Variants in DTNB observed in about 807,000 individuals in gnomAD.
DTNB encodes the protein dystrobrevin beta.
A neutral mutation model predicts 90.7 loss-of-function variants in DTNB; 63 were observed. That is an observed-to-expected ratio of 0.69 (90% CI 0.57 to 0.86). The LOEUF (loss-of-function observed/expected upper bound fraction) is 0.86, where lower values mean the gene tolerates loss of function less well. Among genes scored for constraint, DTNB ranks in the 40% least tolerant of loss-of-function variants. DTNB has a pLI of 0.00. For missense variants in DTNB, 744 were observed against 807.1 expected, an observed-to-expected ratio of 0.92 and a Z score of 0.95; for synonymous variants, 277 against 286.7, an observed-to-expected ratio of 0.97 and a Z score of 0.34.
intron 2 of DTNB, among the ~76,000 whole-genome samples, chr2:25,649,110 T>G (rs2080230455): frequency 6.8e-6 from 1 of 146,936 alleles, no homozygotes; most frequent in Non-Finnish European, 1.5e-5. Context: ...GTTCACGCCA[T>G]TCTCCTGCCT....
At chr2:25,598,891 G>A (rs1343642038) in intron 5 of DTNB, 1 of 151,962 alleles carries the variant, frequency 6.6e-6, no homozygotes, top group Non-Finnish European at 1.5e-5. Context: ...AGACTGAATA[G>A]GAAGAGTATT....
chr2:25,436,709 T>C (rs867725643), intron 12 of DTNB, among the ~76,000 whole-genome samples: 39 of 152,292 alleles, frequency 2.6e-4, no homozygotes, highest in African/African-American at 9.1e-4. Context: ...GTAAATTTTC[T>C]ATATTGTAGT....
At chr2:25,444,843 G>A (rs527524246) in intron 12 of DTNB, among the ~76,000 whole-genome samples, 6 of 152,220 alleles carry the variant, frequency 3.9e-5, no homozygotes, top group Non-Finnish European at 7.3e-5. Context: ...TTGTATCAAT[G>A]TGAGATTAGA....
At chr2:25,430,056 T>C (rs2053345143) in intron 14 of DTNB, among the ~76,000 whole-genome samples, 1 of 152,108 alleles carries the variant, frequency 6.6e-6, no homozygotes, top group African/African-American at 2.4e-5. Flanking sequence ...TGGTTCCAAA[T>C]GCTTCCAGAG....
intron 1 of DTNB, among the ~76,000 whole-genome samples, chr2:25,654,468 A>G (rs2081661624): frequency 6.6e-6 from 1 of 152,238 alleles, no homozygotes; most frequent in Non-Finnish European, 1.5e-5. Flanking sequence ...CAAAACAGCC[A>G]TAGTGCTGAG....
intron 16 of DTNB, among the ~76,000 whole-genome samples, chr2:25,402,245 G>A (rs1006661499): frequency 7.9e-5 from 12 of 152,092 alleles, no homozygotes; most frequent in Non-Finnish European, 1.3e-4. Flanking sequence ...GGAAATAACC[G>A]CCTCACACGA....
intron 9 of DTNB, among the ~76,000 whole-genome samples, chr2:25,493,234 G>A (rs1360819104): frequency 6.6e-6 from 1 of 151,878 alleles, no homozygotes; most frequent in African/African-American, 2.4e-5. Flanking sequence ...TTCTTTTTTT[G>A]TATTCCCCAT....
chr2:25,501,141 A>G (rs1160985535), intron 9 of DTNB, among the ~76,000 whole-genome samples: 2 of 152,258 alleles, frequency 1.3e-5, no homozygotes, highest in Non-Finnish European at 2.9e-5. Context: ...AAACAAAACA[A>G]AACTGAATAC....
intron 9 of DTNB, among the ~76,000 whole-genome samples, chr2:25,517,383 T>C (rs1320010676): frequency 1.3e-5 from 2 of 151,952 alleles, no homozygotes; most frequent in Non-Finnish European, 2.9e-5. Context: ...TTGTATAAAT[T>C]AACTGAAAAT....
intron 10 of DTNB, among the ~76,000 whole-genome samples, chr2:25,459,902 G>T (rs2060665452): frequency 6.6e-6 from 1 of 152,260 alleles, no homozygotes; most frequent in East Asian, 1.9e-4. Context: ...GAGCCCAGGA[G>T]TTAAGAGAAC....
chr2:25,401,488 C>G (rs1280137004), intron 16 of DTNB, among the ~76,000 whole-genome samples: 1 of 152,224 alleles, frequency 6.6e-6, no homozygotes, highest in African/African-American at 2.4e-5. Context: ...AGGAGACCAG[C>G]TGCACGGAGA....
intron 6 of DTNB, among the ~76,000 whole-genome samples, chr2:25,588,961 C>A (rs1484192284): frequency 1.3e-5 from 2 of 152,162 alleles, no homozygotes; most frequent in Non-Finnish European, 2.9e-5. Context: ...ATTAGAATAC[C>A]TATGAAATAA....
chr2:25,638,866 G>C, intron 3 of DTNB, 148 bp downstream of exon 3: 1 of 720,674 alleles, frequency 1.4e-6, no homozygotes, highest in East Asian at 3.2e-5. Flanking sequence ...AAAATGACAA[G>C]TTCTTCCATT....
At chr2:25,559,588 T>C (rs1223598693) in intron 8 of DTNB, among the ~76,000 whole-genome samples, 2 of 152,252 alleles carry the variant, frequency 1.3e-5, no homozygotes, top group African/African-American at 4.8e-5. Flanking sequence ...ACATTTACAG[T>C]TGATCTTTCC....
chr2:25,462,587 G>A (rs1291396375), intron 10 of DTNB, among the ~76,000 whole-genome samples: 1 of 152,206 alleles, frequency 6.6e-6, no homozygotes, highest in Non-Finnish European at 1.5e-5. Flanking sequence ...CTGTTGGGAA[G>A]ATTGGATAAA....
At chr2:25,602,883 T>C (rs1438586984) in intron 5 of DTNB, among the ~76,000 whole-genome samples, 1 of 152,216 alleles carries the variant, frequency 6.6e-6, no homozygotes, top group Non-Finnish European at 1.5e-5. Flanking sequence ...TATTCAATCA[T>C]GTGGGTGTCC....
chr2:25,489,503 A>G (rs1326446732), intron 9 of DTNB, among the ~76,000 whole-genome samples: 1 of 152,100 alleles, frequency 6.6e-6, no homozygotes, highest in Non-Finnish European at 1.5e-5. Context: ...ATAAAGAAAA[A>G]CATATTTCTA....
chr2:25,576,885 C>A lies in DTNB; in HGVS notation c.829G>T (p.Gly277Cys), dbSNP rs371402432. Reference sequence around the variant, plus strand: ...TGGTGCTGGTTGCTGTGAGGGCCGCCGGCATGGCCACGCCAAAAGCAATTC... The same window carrying A: ...TGGTGCTGGTTGCTGTGAGGGCCGCAGGCATGGCCACGCCAAAAGCAATTC... ...CQNCFWRGHA[G>C]GPHSNQHQMK... Residue 277 changes from glycine to cysteine, a missense_variant, in exon 8 of 21, where the codon GGC becomes TGC. Coordinates refer to ENST00000406818, the MANE Select transcript of DTNB (RefSeq NM_021907.5). 1 of 1,613,134 alleles carries A rather than the reference C, an allele frequency of 6.2e-7. No individual in the cohort carries two copies. The highest frequency in any genetic ancestry group is 1.1e-5 in the South Asian group (1 of 90,834).
At chr2:25,551,991 A>G (rs2056371970) in intron 8 of DTNB, among the ~76,000 whole-genome samples, 1 of 152,216 alleles carries the variant, frequency 6.6e-6, no homozygotes, top group Non-Finnish European at 1.5e-5. Context: ...TTAACAATCA[A>G]ACATTTAATT....
Sources: allele counts gnomAD v4.1 joint callset (sites outside exome capture counted in the v4.1 genomes callset), GRCh38; gene constraint gnomAD v4.1.1; transcripts MANE v1.5; gene names NCBI Gene and HGNC (gene_info 2026-07-23, HGNC 2026-07-21).